The following ZCCHC4 variants were observed in gnomAD, a reference collection of about 807,000 sequenced individuals.
ZCCHC4 encodes the protein zinc finger CCHC-type containing 4.
A neutral mutation model predicts 67.7 loss-of-function variants in ZCCHC4; 54 were observed. The ratio of observed to expected loss-of-function variants is 0.80; its 90% CI spans 0.64 to 1.00. The LOEUF (loss-of-function observed/expected upper bound fraction) is 1.00. Among genes scored for constraint, ZCCHC4 ranks in the 50% least tolerant of loss-of-function variants. ZCCHC4 has a pLI of 0.00. For missense variants in ZCCHC4, 609 were observed against 617.0 expected (o/e 0.99, Z 0.14); for synonymous variants, 198 against 213.5 (o/e 0.93, Z 0.63).
At chr4:25,346,029 T>A (rs997945749) in intron 6 of ZCCHC4, among the ~76,000 whole-genome samples, 6 of 152,176 alleles carry the variant, frequency 3.9e-5, no homozygotes, top group Non-Finnish European at 8.8e-5. Context: ...TTTGCCTTGA[T>A]AACCTCCACT....
At chr4:25,345,662 A>C (rs1719976343) in intron 6 of ZCCHC4, 42 bp downstream of exon 6, 1 of 1,340,858 alleles carries the variant, frequency 7.5e-7, no homozygotes, top group African/African-American at 1.5e-5. Flanking sequence ...CTTATTGTGG[A>C]ATAACAGATT....
Position 25,362,208 on chromosome 4 carries a change from C to T in ZCCHC4, c.1134-18C>T. On this transcript the variant is annotated intron_variant, in intron 9 of 12. Coordinates refer to ENST00000302874, the MANE Select transcript of ZCCHC4 (RefSeq NM_024936.3). ...CTCAATAAATGTATGCAGCTGATTTCTCTGTCCTTTACTCTAGATTTTGCT... is the reference window on the plus strand; with the variant it reads ...CTCAATAAATGTATGCAGCTGATTTTTCTGTCCTTTACTCTAGATTTTGCT... 4.4e-6 allele frequency: 7 copies of T among 1,598,326 alleles called. No individual in the cohort carries two copies. The highest frequency in any genetic ancestry group is 6.0e-6 in the Non-Finnish European group (7 of 1,170,198).
intron 6 of ZCCHC4, among the ~76,000 whole-genome samples, chr4:25,346,524 A>G (rs1187140190): frequency 6.6e-6 from 1 of 152,224 alleles, no homozygotes; most frequent in Non-Finnish European, 1.5e-5. Context: ...TTAACTAATG[A>G]TAGGAGGATG....
At chr4:25,323,986 T>A (rs967654162) in intron 3 of ZCCHC4, among the ~76,000 whole-genome samples, 7 of 149,634 alleles carry the variant, frequency 4.7e-5, no homozygotes, top group African/African-American at 1.5e-4. Flanking sequence ...TATATAAAGG[T>A]AATCGTACAG....
intron 10 of ZCCHC4, 21 bp downstream of exon 10, chr4:25,362,322 G>T: frequency 6.7e-7 from 1 of 1,488,046 alleles, no homozygotes; most frequent in Non-Finnish European, 9.1e-7. Flanking sequence ...CTTATAGAAT[G>T]TATTTTTATT....
At chr4:25,355,687 C>T (rs1162598515) in intron 8 of ZCCHC4, among the ~76,000 whole-genome samples, 1 of 152,114 alleles carries the variant, frequency 6.6e-6, no homozygotes, top group Non-Finnish European at 1.5e-5. Flanking sequence ...ATTTTGGCAG[C>T]AATTTCTGGA....
chr4:25,359,120 T>G lies in ZCCHC4; in HGVS notation c.1012-2739T>G, dbSNP rs1189865485. ...TGGTGCCCATTGTCAGCTGTGCTGCTTGGATGGGCTCCAATGGAAACCTGG... is the reference window on the plus strand; with the variant it reads ...TGGTGCCCATTGTCAGCTGTGCTGCGTGGATGGGCTCCAATGGAAACCTGG... On this transcript the variant is annotated intron_variant, in intron 8 of 12. Transcript: ENST00000302874. The surrounding 1 kb of genome is among the most constrained non-coding windows in gnomAD (Gnocchi z 4.9). 6.6e-6 allele frequency among the ~76,000 whole-genome samples: 1 copy of G among 152,196 alleles called. No individual in the cohort carries two copies. The highest frequency in any genetic ancestry group is 2.4e-5 in the African/African-American group (1 of 41,446).
chr4:25,337,816 A>G (rs1237221257), intron 5 of ZCCHC4, among the ~76,000 whole-genome samples: 1 of 152,232 alleles, frequency 6.6e-6, no homozygotes, highest in East Asian at 1.9e-4. Context: ...TAAAAGTTAT[A>G]TAATGATTCT....
At chr4:25,360,215 T>A (rs1720674684) in intron 8 of ZCCHC4, among the ~76,000 whole-genome samples, 1 of 152,254 alleles carries the variant, frequency 6.6e-6, no homozygotes, top group African/African-American at 2.4e-5. Flanking sequence ...CTGATTCTCT[T>A]GCAGATTTAG....
chr4:25,357,788 ATTC>A (rs1255119993), intron 8 of ZCCHC4, among the ~76,000 whole-genome samples: 1 of 152,218 alleles, frequency 6.6e-6, no homozygotes, highest in Non-Finnish European at 1.5e-5. Flanking sequence ...ACCTCATGGT[ATTC>A]TTGTGGATAA....
In ZCCHC4 at chr4:25,370,362, G is replaced by C. The variant is rs938773676; in HGVS notation, c.*1198G>C. The C allele has an allele frequency of 6.6e-6, 1 of 152,118 alleles. No individual in the cohort carries two copies. The highest frequency in any genetic ancestry group is 2.4e-5 in the African/African-American group (1 of 41,408). 9.4% of individuals were successfully genotyped at this position (152,118 alleles called of 1,614,324 possible). On this transcript the variant is annotated 3_prime_UTR_variant, in exon 13 of 13. Transcript: ENST00000302874. ...CAGCTATACCTGAGGTTTGTTTTGT[G>C]ATTAAATTAAATGAGACCCAAGTGC...
At chr4:25,328,491 C>T (rs1372021683) in intron 3 of ZCCHC4, among the ~76,000 whole-genome samples, 3 of 152,146 alleles carry the variant, frequency 2.0e-5, no homozygotes, top group Non-Finnish European at 4.4e-5. Context: ...CTGCCCACCT[C>T]AGCCTCCCAA....
At chr4:25,318,196 T>G (rs1356381489) in intron 3 of ZCCHC4, among the ~76,000 whole-genome samples, 1 of 152,200 alleles carries the variant, frequency 6.6e-6, no homozygotes, top group East Asian at 1.9e-4. Context: ...TATTCTGTCC[T>G]TAACACTTTT....
chr4:25,325,268 T>C (rs1295894237), intron 3 of ZCCHC4, among the ~76,000 whole-genome samples: 1 of 137,630 alleles, frequency 7.3e-6, no homozygotes, highest in Non-Finnish European at 1.6e-5. Context: ...AAAAAAGAAA[T>C]ATTTTCTGCC....
intron 5 of ZCCHC4, among the ~76,000 whole-genome samples, chr4:25,336,191 C>A (rs1345332544): frequency 6.6e-6 from 1 of 152,186 alleles, no homozygotes; most frequent in African/African-American, 2.4e-5. Context: ...TCTCTCTTTT[C>A]TGGAGTTGCC....
intron 3 of ZCCHC4, 111 bp downstream of exon 3, chr4:25,315,511 C>T: frequency 1.4e-6 from 1 of 727,282 alleles, no homozygotes; most frequent in Non-Finnish European, 2.1e-6. Flanking sequence ...ATTGTAGTTA[C>T]ATATATAATA....
chr4:25,341,832 CATCTTGCCTGA>C (rs1183709029), intron 5 of ZCCHC4, among the ~76,000 whole-genome samples: 1 of 152,192 alleles, frequency 6.6e-6, no homozygotes, highest in Non-Finnish European at 1.5e-5. Context: ...CAGAACTCTT[CATCTTGCCTGA>C]TTTAATTTGA....
chr4:25,318,511 T>G (rs1288620412), intron 3 of ZCCHC4, among the ~76,000 whole-genome samples: 1 of 151,906 alleles, frequency 6.6e-6, no homozygotes, highest in East Asian at 1.9e-4. Context: ...CCTGCCACCA[T>G]GCCCAGCTAA....
At position 25,361,937 on chromosome 4, in the gene ZCCHC4, A is replaced by G; in HGVS notation, c.1090A>G (p.Ile364Val). ...KQSPVRIFTN[I>V]PPNKIILPTE... ...GTCTCCCGTGCGTATTTTCACCAACATTCCGCCCAACAAAATAATCCTTCC... is the reference window on the plus strand; with the variant it reads ...GTCTCCCGTGCGTATTTTCACCAACGTTCCGCCCAACAAAATAATCCTTCC... The change falls in exon 9 of 13, where the codon ATT becomes GTT. Residue 364 changes from isoleucine to valine, a missense_variant. By Grantham distance (29) the Ile-to-Val change is conservative. Transcript: ENST00000302874. 3 of 1,614,140 alleles carry G rather than the reference A, an allele frequency of 1.9e-6. No individual in the cohort carries two copies. Among genetic ancestry groups the G allele is most frequent in the Non-Finnish European group, 2.5e-6 (3 of 1,180,002 alleles).
Sources: gnomAD v4.1 joint callset for allele counts (sites outside exome capture counted in the v4.1 genomes callset) on GRCh38, gnomAD v4.1.1 for gene constraint, Gnocchi (gnomAD v3.1) non-coding constraint, MANE v1.5 for transcripts, NCBI Gene and HGNC (gene_info 2026-07-23, HGNC 2026-07-21) for gene names.